ACSM2B: variants seen among roughly 807,000 people sequenced by gnomAD.
The protein encoded by ACSM2B is acyl-CoA synthetase medium chain family member 2B, also known as acyl-coenzyme A synthetase ACSM2B, mitochondrial.
A neutral mutation model predicts 78.6 loss-of-function variants in ACSM2B; 58 were observed. The ratio of observed to expected loss-of-function variants is 0.74; its 90% CI spans 0.60 to 0.92. The LOEUF is 0.92. ACSM2B is among the 40% of genes least tolerant of loss of function. ACSM2B has a pLI of 0.00. For synonymous variants in ACSM2B, 257 were observed against 256.8 expected (o/e 1.00, Z -0.01); for missense variants, 688 against 711.2 (o/e 0.97, Z 0.37).
intron 1 of ACSM2B, among the ~76,000 whole-genome samples, chr16:20,573,548 CT>C (rs1336684796): frequency 7.1e-6 from 1 of 140,782 alleles, no homozygotes; most frequent in African/African-American, 2.8e-5. Context: ...CACCAGTGTC[CT>C]CCCATACCTC....
intron 8 of ACSM2B, chr16:20,547,556 T>C (rs1221783529): frequency 1.0e-6 from 1 of 982,210 alleles, no homozygotes; most frequent in African/African-American, 1.8e-5. Context: ...TAAATCCACA[T>C]TGTGCACATG....
chr16:20,563,304 C>A (rs1305257363), intron 2 of ACSM2B, among the ~76,000 whole-genome samples: 4 of 152,026 alleles, frequency 2.6e-5, no homozygotes, highest in Admixed American at 2.6e-4. Flanking sequence ...TGTGAACTAT[C>A]TGTTCATATA....
intron 3 of ACSM2B, among the ~76,000 whole-genome samples, chr16:20,556,568 C>T (rs1313063028): frequency 1.3e-5 from 2 of 152,246 alleles, no homozygotes; most frequent in East Asian, 1.9e-4. Context: ...CACCACTGCA[C>T]TCCAGCCTGG....
At chr16:20,548,529 G>A (rs1361732041) in intron 6 of ACSM2B, 56 bp from the exon 7 acceptor site, 88 of 1,612,206 alleles carry the variant, frequency 5.5e-5, no homozygotes, top group Non-Finnish European at 7.1e-5. Context: ...CCAACTTATG[G>A]CTATGCACAG....
intron 2 of ACSM2B, among the ~76,000 whole-genome samples, chr16:20,560,165 T>C (rs28862021): frequency 6.0e-5 from 9 of 150,842 alleles, no homozygotes; most frequent in African/African-American, 2.0e-4. Context: ...CACAATCACC[T>C]GTCATCCCCT....
At chr16:20,566,258 T>C (rs2015833008) in intron 1 of ACSM2B, among the ~76,000 whole-genome samples, 2 of 89,704 alleles carry the variant, frequency 2.2e-5, no homozygotes, top group African/African-American at 3.5e-5. Flanking sequence ...TATATATATA[T>C]ATATATATAT....
At chr16:20,566,713 ATATAG>A (rs1475976030) in intron 1 of ACSM2B, among the ~76,000 whole-genome samples, 31 of 32,310 alleles carry the variant, frequency 9.6e-4, no homozygotes, top group East Asian at 2.5e-3. Context: ...TATATAGTAT[ATATAG>A]TATATACTAT....
At chr16:20,550,267 G>A (rs1439961772) in intron 6 of ACSM2B, among the ~76,000 whole-genome samples, 1 of 152,096 alleles carries the variant, frequency 6.6e-6, no homozygotes, top group South Asian at 2.1e-4. Context: ...TAGAAAAAAT[G>A]ACAAATGTGA....
rs1212931958 is a variant in ACSM2B, at chr16:20,546,446, A to T, written c.1127T>A (p.Met376Lys). The T allele has an allele frequency of 6.2e-7, 1 of 1,609,512 alleles. No individual in the cohort carries two copies. The highest frequency in any genetic ancestry group is 8.5e-7 in the Non-Finnish European group (1 of 1,176,892). Reference protein sequence around the residue: ...TGLTCMVSKTMKIKPGYMGTA... With the variant: ...TGLTCMVSKTKKIKPGYMGTA... ...TCCCATGTATCCTGGTTTGATTTTC[A>T]TTGTCTTGGAAACCATGCAAGTTAA... Residue 376 changes from methionine to lysine, a missense_variant, in exon 9 of 14, where the codon ATG (methionine) becomes AAG (lysine). Physicochemically the swap from Met to Lys is moderately conservative, Grantham distance 95. Coordinates refer to ENST00000329697, the MANE Select transcript of ACSM2B (RefSeq NM_001105069.2).
rs746183752 is a variant in ACSM2B at position 20,537,235 on chromosome 16, C to CAA, written c.*21_*22dup. 5.1e-5 allele frequency: 83 copies of CAA among 1,612,478 alleles called. No individual in the cohort carries two copies. The African/African-American group carries it at 8.5e-4, about 17-fold the overall frequency. On this transcript the variant is annotated 3_prime_UTR_variant, in exon 14 of 14. Transcript: ENST00000329697. ...AAGAAAGAGAAAGAAGAGGGGAATCCAAATGAATGTCTCCTAGACGCCTCA... is the reference window on the plus strand; with the variant it reads ...AAGAAAGAGAAAGAAGAGGGGAATCCAAAAATGAATGTCTCCTAGACGCCTCA...
chr16:20,547,948 TA>T (rs2093506992), intron 8 of ACSM2B, 113 bp downstream of exon 8: 2 of 1,552,914 alleles, frequency 1.3e-6, no homozygotes, highest in Non-Finnish European at 1.7e-6. Context: ...AGAGGCTCAA[TA>T]AATATTTCTC....
At chr16:20,545,565 T>G (rs2015113328) in intron 9 of ACSM2B, among the ~76,000 whole-genome samples, 1 of 152,164 alleles carries the variant, frequency 6.6e-6, no homozygotes, top group Non-Finnish European at 1.5e-5. Flanking sequence ...ACCTGTGGAC[T>G]TAGAAATCGG....
chr16:20,555,048 C>T (rs2015426209), intron 4 of ACSM2B, among the ~76,000 whole-genome samples: 1 of 152,044 alleles, frequency 6.6e-6, no homozygotes, highest in Non-Finnish European at 1.5e-5. Flanking sequence ...GGGAGGCATT[C>T]TATGTGCTGC....
intron 6 of ACSM2B, among the ~76,000 whole-genome samples, chr16:20,550,764 G>A (rs1424789182): frequency 5.3e-5 from 8 of 152,082 alleles, no homozygotes; most frequent in Admixed American, 2.6e-4. Context: ...GTCCAACATA[G>A]GGTGTATCTT....
intron 5 of ACSM2B, among the ~76,000 whole-genome samples, chr16:20,553,376 A>G (rs2015375619): frequency 6.6e-6 from 1 of 152,214 alleles, no homozygotes; most frequent in African/African-American, 2.4e-5. Context: ...TTATCCAATT[A>G]TATCTTCCAC....
At chr16:20,553,040 C>T (rs567093382) in intron 5 of ACSM2B, among the ~76,000 whole-genome samples, 61 of 152,116 alleles carry the variant, frequency 4.0e-4, no homozygotes, top group Non-Finnish European at 8.1e-4. Flanking sequence ...AGTAATTTAT[C>T]CCCATCTTTT....
chr16:20,564,557 A>C, intron 2 of ACSM2B, 112 bp downstream of exon 2: 3 of 1,482,858 alleles, frequency 2.0e-6, no homozygotes, highest in Non-Finnish European at 2.7e-6. Context: ...TCCATAGCTT[A>C]TTACAGTGCC....
chr16:20,547,364 ACT>A, intron 8 of ACSM2B: 1 of 985,098 alleles, frequency 1.0e-6, no homozygotes, highest in Middle Eastern at 5.2e-4. Flanking sequence ...TGCCATCAAC[ACT>A]CTGCAAAAGT....
Position 20,537,142 on chromosome 16 carries a change from A to G in ACSM2B, c.*116T>C. On this transcript the variant is annotated 3_prime_UTR_variant, in exon 14 of 14. Coordinates refer to ENST00000329697, the MANE Select transcript of ACSM2B (RefSeq NM_001105069.2). Reference sequence around the variant, plus strand: ...TGTGCTAATAACCAGGGCAAGACAAAACTTACATTCATGTTCTTTCATAAA... The same window carrying G: ...TGTGCTAATAACCAGGGCAAGACAAGACTTACATTCATGTTCTTTCATAAA... 1 of 1,297,296 alleles carries G rather than the reference A, an allele frequency of 7.7e-7. No individual in the cohort carries two copies. Among genetic ancestry groups the G allele is most frequent in the Non-Finnish European group, 1.1e-6 (1 of 921,140 alleles). 80.4% of individuals were successfully genotyped at this position (1,297,296 alleles called of 1,614,324 possible). A position where few individuals can be genotyped will look rare whatever the true frequency, so the allele number is the denominator to read the frequency against.
Sources: allele counts gnomAD v4.1 joint callset (sites outside exome capture counted in the v4.1 genomes callset), GRCh38; gene constraint gnomAD v4.1.1; transcripts MANE v1.5; gene names NCBI Gene and HGNC (gene_info 2026-07-23, HGNC 2026-07-21).